The following ZBTB17 variants were observed in gnomAD, a reference collection of about 807,000 sequenced individuals.
ZBTB17 encodes the protein zinc finger and BTB domain-containing protein 17.
ZBTB17 carries 24 observed loss-of-function variants against 85.1 expected under a neutral mutation model. The ratio of observed to expected loss-of-function variants is 0.28; its 90% CI spans 0.20 to 0.40. The LOEUF (loss-of-function observed/expected upper bound fraction) is 0.40. Ranked by LOEUF, ZBTB17 falls within the 10% of genes least tolerant of loss-of-function variation. The probability of loss-of-function intolerance (pLI) is 1.00; values close to 1 mark genes in which losing one functional copy is unlikely to be tolerated. For synonymous variants in ZBTB17, 464 were observed against 460.2 expected (o/e 1.01, Z -0.11); for missense variants, 743 against 1,105.1 (o/e 0.67, Z 4.65).
chr1:15,965,185 C>A (rs2072399564), intron 2 of ZBTB17, among the ~76,000 whole-genome samples: 1 of 149,238 alleles, frequency 6.7e-6, no homozygotes, highest in African/African-American at 2.4e-5. Flanking sequence ...AGACAAGCCA[C>A]AAACTGGAAG....
rs2071922623 is a variant in ZBTB17 at position 15,953,140 on chromosome 1, T to C, written c.-2-4643A>G. On this transcript the variant is annotated intron_variant, in intron 2 of 15. Transcript: ENST00000375743. The surrounding 1 kb of genome is among the most constrained non-coding windows in gnomAD (Gnocchi z 5.1). ...TTAAACTAAATGTGTATATTTCATA[T>C]ACATTTACATGAAAACATTCCAATT... Among the ~76,000 whole-genome samples the C allele has an allele frequency of 6.6e-6, 1 of 152,182 alleles. No individual in the cohort carries two copies. The highest frequency in any genetic ancestry group is 2.1e-4 in the South Asian group (1 of 4,830).
chr1:15,956,123 G>A (rs1005819761), intron 2 of ZBTB17, among the ~76,000 whole-genome samples: 9 of 152,268 alleles, frequency 5.9e-5, no homozygotes, highest in South Asian at 2.1e-4. Flanking sequence ...ACAAAATCAC[G>A]ACATCTGGGA....
chr1:15,949,383 T>C (rs567331947), intron 2 of ZBTB17, among the ~76,000 whole-genome samples: 2 of 152,280 alleles, frequency 1.3e-5, no homozygotes, highest in Non-Finnish European at 2.9e-5. Flanking sequence ...ACATCAGCAA[T>C]TGTCTAGGGA....
intron 2 of ZBTB17, among the ~76,000 whole-genome samples, chr1:15,962,777 G>A (rs758502713): frequency 6.6e-5 from 10 of 151,974 alleles, no homozygotes; most frequent in Non-Finnish European, 1.2e-4. Flanking sequence ...ATAAAACATC[G>A]TATAAAACCC....
At position 15,942,846 on chromosome 1, in the gene ZBTB17, G is replaced by A. The variant is rs984732203; in HGVS notation, c.1829-108C>T. ...AGCAACCCTGTCTTTTACAGCAGGA[G>A]GTGCTCTGGGGTGGCTGCACGGGTG... is the stretch of plus-strand genomic sequence containing the variant. On this transcript the variant is annotated intron_variant, in intron 13 of 15. Transcript: ENST00000375743. 3 of 1,397,934 alleles carry A rather than the reference G, an allele frequency of 2.1e-6. No homozygotes were observed. In the African/African-American group the frequency reaches 4.3e-5, roughly 20 times the overall value. The allele number at this position is 1,397,934 out of a possible 1,614,324, so 86.6% of individuals were successfully genotyped here.
At chr1:15,946,317 C>G (rs186717284) in intron 4 of ZBTB17, 23 bp from the exon 5 acceptor site, 140 of 1,595,832 alleles carry the variant, frequency 8.8e-5, no homozygotes, top group Admixed American at 1.7e-4. Context: ...CAGGGCAGAC[C>G]TGCCGTTTCC....
chr1:15,947,352 A>G, intron 3 of ZBTB17: 1 of 550,626 alleles, frequency 1.8e-6, no homozygotes, highest in Non-Finnish European at 3.2e-6. Flanking sequence ...CCTGCCCTGC[A>G]CAGAGAACAA....
At chr1:15,968,735 G>A (rs61584632) in intron 2 of ZBTB17, among the ~76,000 whole-genome samples, 2 of 152,254 alleles carry the variant, frequency 1.3e-5, no homozygotes, top group East Asian at 1.9e-4. Context: ...AAAACAGAAG[G>A]GGCACAGAGT....
Position 15,975,995 on chromosome 1 carries a change from G to A in ZBTB17, c.-102C>T. 4 of 699,238 alleles carry A rather than the reference G, an allele frequency of 5.7e-6. 1 individual carries two copies. The highest frequency in any genetic ancestry group is 4.5e-5 in the South Asian group (3 of 67,058). 43.3% of individuals were successfully genotyped at this position (699,238 alleles called of 1,614,324 possible). ...TGTTGACACTCACCTGCCATGTCCC[G>A]GACCCCACCGCAGAGGGAGGTGCAT... On this transcript the variant is annotated 5_prime_UTR_variant, in exon 1 of 16. Coordinates refer to ENST00000375743, the MANE Select transcript of ZBTB17 (RefSeq NM_003443.3).
At position 15,964,945 on chromosome 1, in the gene ZBTB17, C is replaced by A. The variant is rs1441762971; in HGVS notation, c.-3+8094G>T. On this transcript the variant is annotated intron_variant, in intron 2 of 15. Coordinates refer to ENST00000375743, the MANE Select transcript of ZBTB17 (RefSeq NM_003443.3). The surrounding 1 kb of genome is among the most constrained non-coding windows in gnomAD (Gnocchi z 4.3). ...CCTGGCCAAGATGCTGAAACCCCGT[C>A]TACTAAAAATAAAAAAAAATTAGCC... is the stretch of plus-strand genomic sequence containing the variant. Among the ~76,000 whole-genome samples the A allele has an allele frequency of 6.6e-6, 1 of 151,712 alleles. No individual in the cohort carries two copies. Among genetic ancestry groups the A allele is most frequent in the African/African-American group, 2.4e-5 (1 of 41,250 alleles).
Position 15,944,713 on chromosome 1 carries a change from G to A in ZBTB17, c.1054C>T (p.His352Tyr). 6.2e-7 allele frequency: 1 copy of A among 1,609,558 alleles called. No individual in the cohort carries two copies. The highest frequency in any genetic ancestry group is 8.5e-7 in the Non-Finnish European group (1 of 1,179,874). The change falls in exon 8 of 16, where the codon CAT becomes TAT. Residue 352 changes from histidine (H) to tyrosine (Y), a missense_variant. This residue lies in a region of ZBTB17 where 321 missense variants were observed against 615.7 expected (regional missense o/e 0.52). Coordinates refer to ENST00000375743, the MANE Select transcript of ZBTB17 (RefSeq NM_003443.3). Reference protein sequence around the residue: ...AFSDPAACKAHEKTHSPLKPY... With the variant: ...AFSDPAACKAYEKTHSPLKPY... The stretch of plus-strand genomic sequence containing the variant: ...GGGCAGTACCTGTGCGTCTTCTCAT[G>A]GGCCTTGCACGCGGCCGGGTCGGAA...
chr1:15,963,790 T>C (rs1485187043), intron 2 of ZBTB17, among the ~76,000 whole-genome samples: 2 of 152,032 alleles, frequency 1.3e-5, no homozygotes, highest in African/African-American at 4.8e-5. Flanking sequence ...CCTAAACAAA[T>C]GCTGAACTAA....
rs924703126 is a variant in ZBTB17 at position 15,946,304 on chromosome 1, G to C, written c.395-10C>G. On this transcript the variant is annotated splice_polypyrimidine_tract_variant and intron_variant, in intron 4 of 15. Transcript: ENST00000375743. ...GCTCTCTTGTCCCCTCCTGGAGATG[G>C]AACAGGGCAGACCTGCCGTTTCCCA... is the stretch of plus-strand genomic sequence containing the variant. The C allele has an allele frequency of 1.2e-6, 2 of 1,609,510 alleles. No individual in the cohort carries two copies. Among genetic ancestry groups the C allele is most frequent in the East Asian group, 2.2e-5 (1 of 44,780 alleles).
rs141336750 is a variant in ZBTB17, at chr1:15,951,240, A to G, written c.-2-2743T>C. Among the ~76,000 whole-genome samples, 1 of 151,858 alleles carries G rather than the reference A, an allele frequency of 6.6e-6. No individual in the cohort carries two copies. The highest frequency in any genetic ancestry group is 2.4e-5 in the African/African-American group (1 of 41,406). Reference sequence around the variant, plus strand: ...CACCAAAAGGGAAGAAAACAGGAGAAATGATAAGAAGGGGGGAGGAAGAAG... The same window carrying G: ...CACCAAAAGGGAAGAAAACAGGAGAGATGATAAGAAGGGGGGAGGAAGAAG... On this transcript the variant is annotated intron_variant, in intron 2 of 15. Transcript: ENST00000375743. The surrounding 1 kb of genome is among the most constrained non-coding windows in gnomAD (Gnocchi z 4.1).
Position 15,943,048 on chromosome 1 carries a change from A to G in ZBTB17, c.1828+16T>C. ...GGGCCTGGGAAGGAACAGGCATGGT[A>G]GGGGCCACAGCTCACCAGTGTGAAT... On this transcript the variant is annotated intron_variant, in intron 13 of 15. Transcript: ENST00000375743. 1 of 1,613,874 alleles carries G rather than the reference A, an allele frequency of 6.2e-7. No individual in the cohort carries two copies. The highest frequency in any genetic ancestry group is 8.5e-7 in the Non-Finnish European group (1 of 1,179,866).
chr1:15,950,026 G>C (rs929127756), intron 2 of ZBTB17, among the ~76,000 whole-genome samples: 6 of 152,230 alleles, frequency 3.9e-5, no homozygotes, highest in Non-Finnish European at 8.8e-5. Flanking sequence ...CCCCGCGCAG[G>C]CTTTGGCTCT....
chr1:15,944,333 G>C lies in ZBTB17; in HGVS notation c.1338C>G (p.His446Gln). Residue 446 changes from histidine (H) to glutamine (Q), a missense_variant, in exon 9 of 16, where the codon CAC becomes CAG. This residue lies in a region of ZBTB17 where 321 missense variants were observed against 615.7 expected (regional missense o/e 0.52). Coordinates refer to ENST00000375743, the MANE Select transcript of ZBTB17 (RefSeq NM_003443.3). ...HLETHDTDKEHKCPHCDKKFN... is the reference protein window; with the variant it reads ...HLETHDTDKEQKCPHCDKKFN... ...ACTTCTTGTCGCAGTGTGGGCACTTGTGCTCCTTGTCCGTGTCGTGGGTCT... is the reference window on the plus strand; with the variant it reads ...ACTTCTTGTCGCAGTGTGGGCACTTCTGCTCCTTGTCCGTGTCGTGGGTCT... The C allele has an allele frequency of 6.4e-7, 1 of 1,555,444 alleles. No individual in the cohort carries two copies. Among genetic ancestry groups the C allele is most frequent in the Non-Finnish European group, 8.7e-7 (1 of 1,149,544 alleles).
rs1374795074 is a variant in ZBTB17, at chr1:15,953,800, G to A, written c.-2-5303C>T. Among the ~76,000 whole-genome samples the A allele has an allele frequency of 1.3e-5, 2 of 152,236 alleles. No individual in the cohort carries two copies. Among genetic ancestry groups the A allele is most frequent in the African/African-American group, 4.8e-5 (2 of 41,460 alleles). ...CAATGGCCAACAGGGCTAATGGTAT[G>A]ACTTCCTTTGTGACAGGATTAAATT... On this transcript the variant is annotated intron_variant, in intron 2 of 15. Coordinates refer to ENST00000375743, the MANE Select transcript of ZBTB17 (RefSeq NM_003443.3). The surrounding 1 kb of genome is among the most constrained non-coding windows in gnomAD (Gnocchi z 5.1).
intron 12 of ZBTB17, 51 bp downstream of exon 12, chr1:15,943,348 C>A (rs777817563): frequency 1.3e-6 from 2 of 1,580,460 alleles, no homozygotes; most frequent in Admixed American, 1.7e-5. Context: ...GTCTTCTGAG[C>A]CCCCTCACTG....
Sources: gnomAD v4.1 joint callset for allele counts (sites outside exome capture counted in the v4.1 genomes callset) on GRCh38, gnomAD v4.1.1 for gene constraint, gnomAD v4.1.1 regional missense constraint, Gnocchi (gnomAD v3.1) non-coding constraint, MANE v1.5 for transcripts, NCBI Gene and HGNC (gene_info 2026-07-23, HGNC 2026-07-21) for gene names.